The following PATJ variants were observed in gnomAD, a reference collection of about 807,000 sequenced individuals.
PATJ encodes inaD-like protein.
PATJ carries 190 observed loss-of-function variants against 224.9 expected under a neutral mutation model. The observed-to-expected ratio is 0.84, with a 90% CI of 0.75 to 0.95. The LOEUF (loss-of-function observed/expected upper bound fraction) is 0.95, where lower values mean the gene tolerates loss of function less well. Ranked by LOEUF, PATJ falls within the 40% of genes least tolerant of loss-of-function variation. PATJ has a pLI of 0.00. For missense variants in PATJ, 2,121 were observed against 2,270.3 expected, an observed-to-expected ratio of 0.93 and a Z score of 1.34; for synonymous variants, 769 against 820.3, an observed-to-expected ratio of 0.94 and a Z score of 1.07.
intron 28 of PATJ, among the ~76,000 whole-genome samples, chr1:61,996,684 A>G (rs143590969): frequency 1.6e-3 from 237 of 152,132 alleles, no homozygotes; most frequent in African/African-American, 5.3e-3. Flanking sequence ...AATTGCAAGA[A>G]AATGACTTTT....
At chr1:61,997,031 T>C (rs1400044878) in intron 28 of PATJ, among the ~76,000 whole-genome samples, 2 of 152,018 alleles carry the variant, frequency 1.3e-5, no homozygotes, top group Non-Finnish European at 2.9e-5. Flanking sequence ...GGTGAGCCAC[T>C]GCACCTGGCC....
At chr1:62,079,211 T>A (rs1439130488) in intron 31 of PATJ, among the ~76,000 whole-genome samples, 5 of 152,184 alleles carry the variant, frequency 3.3e-5, no homozygotes, top group Non-Finnish European at 7.3e-5. Context: ...CTTCAGCTTT[T>A]ATCTTTCCTC....
rs369534858 is a variant in PATJ at position 61,913,048 on chromosome 1, C to T, written c.3493-1539C>T. Among the ~76,000 whole-genome samples, 44 of 152,198 alleles carry T rather than the reference C, an allele frequency of 2.9e-4. No homozygotes were observed. In the South Asian group the frequency reaches 8.1e-3, roughly 28 times the overall value. ...AGTGTATCGTTACTGTTGTTTTTTACGTAAATGACACGTTTCTGAGACTTT... is the reference window on the plus strand; with the variant it reads ...AGTGTATCGTTACTGTTGTTTTTTATGTAAATGACACGTTTCTGAGACTTT... On this transcript the variant is annotated intron_variant, in intron 25 of 43. Transcript: ENST00000642238.
intron 33 of PATJ, among the ~76,000 whole-genome samples, chr1:62,094,638 AAGTG>A (rs1180311264): frequency 1.5e-4 from 22 of 151,434 alleles, no homozygotes; most frequent in South Asian, 4.2e-4. Context: ...CTTCTAGTGT[AAGTG>A]AGTATTTAAT....
intron 4 of PATJ, among the ~76,000 whole-genome samples, chr1:61,767,931 A>G (rs375908396): frequency 6.6e-6 from 1 of 151,742 alleles, no homozygotes; most frequent in Non-Finnish European, 1.5e-5. Context: ...TCGGCCTCTC[A>G]AAGTGCTGGG....
Position 61,996,726 on chromosome 1 carries a change from T to TTTTTC in PATJ, c.3867+6377_3867+6381dup, listed in dbSNP as rs1459057559. Among the ~76,000 whole-genome samples the TTTTTC allele has an allele frequency of 5.2e-3, 730 of 139,218 alleles. 22 individuals carry two copies. The highest frequency in any genetic ancestry group is 0.019 in the African/African-American group (667 of 35,408). The allele number at this position is 139,218 out of a possible 152,430, so 91.3% of individuals were successfully genotyped here. A position where few individuals can be genotyped will look rare whatever the true frequency, so the allele number is the denominator to read the frequency against. On this transcript the variant is annotated intron_variant, in intron 28 of 43. Transcript: ENST00000642238. The stretch of plus-strand genomic sequence containing the variant: ...GCTTTATTAATAGAGATAGGTTCTT[T>TTTTTC]TTTTCTTTTCTTTTCTTTTTTTTTT...
intron 31 of PATJ, among the ~76,000 whole-genome samples, chr1:62,070,518 GA>G (rs1657204714): frequency 6.6e-6 from 1 of 152,176 alleles, no homozygotes; most frequent in African/African-American, 2.4e-5. Flanking sequence ...ATCATATTAA[GA>G]TATGGGAGAC....
intron 42 of PATJ, among the ~76,000 whole-genome samples, chr1:62,148,647 C>T (rs963617820): frequency 6.6e-6 from 1 of 152,158 alleles, no homozygotes; most frequent in East Asian, 1.9e-4. Context: ...TAAGAAACCA[C>T]GGATGTATAG....
chr1:62,126,725 A>G (rs1225524273), intron 39 of PATJ, among the ~76,000 whole-genome samples: 1 of 152,204 alleles, frequency 6.6e-6, no homozygotes. Context: ...GTTTGTTCAC[A>G]CCCAGAAGAG....
At chr1:62,099,347 C>CTTTTTTTTTTTTTTTTTTTTT (rs71050197) in intron 33 of PATJ, among the ~76,000 whole-genome samples, 10 of 55,676 alleles carry the variant, frequency 1.8e-4, no homozygotes, top group African/African-American at 7.0e-4. Flanking sequence ...ATATCTCCAA[C>CTTTTTTTTTTTTTTTTTTTTT]TTTTTTTTTT....
chr1:61,993,136 G>A (rs1315137857), intron 28 of PATJ, among the ~76,000 whole-genome samples: 3 of 152,170 alleles, frequency 2.0e-5, no homozygotes, highest in Non-Finnish European at 4.4e-5. Context: ...CTGAACTTCT[G>A]ACCAACCAGC....
Position 61,935,103 on chromosome 1 carries a change from G to A in PATJ, c.3670+7274G>A, listed in dbSNP as rs189863003. 1.8e-3 allele frequency among the ~76,000 whole-genome samples: 251 copies of A among 140,100 alleles called. 1 individual carries two copies. The highest frequency in any genetic ancestry group is 3.4e-3 in the Middle Eastern group (1 of 290). The allele number at this position is 140,100 out of a possible 152,430, so 91.9% of individuals were successfully genotyped here. On this transcript the variant is annotated intron_variant, in intron 27 of 43. Coordinates refer to ENST00000642238, the MANE Select transcript of PATJ (RefSeq NM_001350145.3). ...ACCTGCAAGCATTCATTCTTTCAGC[G>A]ACATTTTTCAACTATGGGGAGCAGA...
At chr1:61,955,222 G>T (rs755888202) in intron 27 of PATJ, among the ~76,000 whole-genome samples, 37 of 152,148 alleles carry the variant, frequency 2.4e-4, no homozygotes, top group Admixed American at 1.8e-3. Context: ...TAGCATAGCC[G>T]CAGTTACTGT....
At chr1:62,040,324 G>A (rs1320747203) in intron 30 of PATJ, among the ~76,000 whole-genome samples, 5 of 151,958 alleles carry the variant, frequency 3.3e-5, no homozygotes, top group Admixed American at 6.6e-5. Flanking sequence ...GGCCAGGCTG[G>A]TCTCGAACTC....
intron 31 of PATJ, among the ~76,000 whole-genome samples, chr1:62,057,933 A>G (rs1366205878): frequency 2.6e-5 from 4 of 152,232 alleles, no homozygotes; most frequent in Non-Finnish European, 4.4e-5. Context: ...AGTGGGCTCT[A>G]TATGTCAAGT....
intron 17 of PATJ, among the ~76,000 whole-genome samples, chr1:61,839,114 C>G (rs111670625): frequency 0.018 from 2,791 of 150,972 alleles, 98 homozygotes; most frequent in African/African-American, 0.063. Context: ...TTTTTTCTTT[C>G]TTTTTCTTCT....
At chr1:61,796,710 CTT>C (rs1266308607) in intron 10 of PATJ, among the ~76,000 whole-genome samples, 25 of 89,458 alleles carry the variant, frequency 2.8e-4, no homozygotes, top group African/African-American at 1.5e-3. Flanking sequence ...TTCTTTCTTT[CTT>C]TCTTTCTTTC....
chr1:62,156,227 T>G (rs1204011950), intron 43 of PATJ, among the ~76,000 whole-genome samples: 1 of 151,026 alleles, frequency 6.6e-6, no homozygotes, highest in Non-Finnish European at 1.5e-5. Flanking sequence ...TAAAAAAATT[T>G]TTTTTTAGAC....
At chr1:61,969,457 T>C (rs1038323245) in intron 27 of PATJ, among the ~76,000 whole-genome samples, 3 of 152,190 alleles carry the variant, frequency 2.0e-5, no homozygotes, top group African/African-American at 7.2e-5. Context: ...GATTTTGATT[T>C]GCATTTTTCT....
Sources: gnomAD v4.1 joint callset for allele counts (sites outside exome capture counted in the v4.1 genomes callset) on GRCh38, gnomAD v4.1.1 for gene constraint, MANE v1.5 for transcripts, NCBI Gene and HGNC (gene_info 2026-07-23, HGNC 2026-07-21) for gene names.